Variants in KIAA1210 observed in about 807,000 individuals in gnomAD.
The protein encoded by KIAA1210 is acrosomal protein KIAA1210.
KIAA1210 carries 48 observed loss-of-function variants against 78.9 expected under a neutral mutation model. The ratio of observed to expected loss-of-function variants is 0.61; its 90% CI spans 0.48 to 0.77. The LOEUF (loss-of-function observed/expected upper bound fraction) is 0.77. Among genes scored for constraint, KIAA1210 ranks in the 30% least tolerant of loss-of-function variants. KIAA1210 has a pLI of 0.00. For synonymous variants in KIAA1210, 406 were observed against 404.5 expected (o/e 1.00, Z -0.04); for missense variants, 1,108 against 1,100.0 (o/e 1.01, Z -0.10).
At chrX:119,092,269 GC>G (rs1927391351) in intron 8 of KIAA1210, among the ~76,000 whole-genome samples, 1 of 111,087 alleles carries the variant, frequency 9.0e-6, no homozygotes, top group East Asian at 2.8e-4. Flanking sequence ...AGATGGAAGG[GC>G]CCCTTGTGCC....
intron 2 of KIAA1210, among the ~76,000 whole-genome samples, chrX:119,117,144 C>A (rs1225289602): frequency 1.8e-5 from 2 of 112,159 alleles, no homozygotes; most frequent in African/African-American, 6.5e-5. Flanking sequence ...CCTTAGAAAT[C>A]CAAGTCTAAG....
intron 2 of KIAA1210, among the ~76,000 whole-genome samples, chrX:119,143,633 T>C (rs960861900): frequency 6.2e-5 from 7 of 112,365 alleles, no homozygotes; most frequent in Middle Eastern, 4.6e-3. Context: ...ACTAAATGGC[T>C]TTCCTATACC....
upstream of KIAA1210, chrX:119,150,584 C>T: frequency 5.0e-6 from 6 of 1,199,675 alleles, no homozygotes; most frequent in Non-Finnish European, 6.7e-6. Context: ...CCTCATTTCC[C>T]CGCGTAGAGT....
rs1352056303 is a variant in KIAA1210, at chrX:119,122,383, T to C, written c.61+1199A>G. 3.6e-5 allele frequency among the ~76,000 whole-genome samples: 4 copies of C among 111,969 alleles called. No homozygotes were observed. In the East Asian group the frequency reaches 1.1e-3, roughly 31 times the overall value. The stretch of plus-strand genomic sequence containing the variant: ...CCACGCCCAGCTGGAAAGAAAACAT[T>C]TCTAACTAAACTTTCTTCCCTTTAA... On this transcript the variant is annotated intron_variant, in intron 2 of 11. Transcript: ENST00000691062.
At position 119,087,354 on chromosome X, in the gene KIAA1210, C is replaced by T. The variant is rs1167452371; in HGVS notation, c.3348G>A (p.Leu1116=). 8.3e-7 allele frequency: 1 copy of T among 1,209,723 alleles called. No homozygotes were observed. Among genetic ancestry groups the T allele is most frequent in the Non-Finnish European group, 1.1e-6 (1 of 895,072 alleles). The change falls in exon 9 of 12, where the codon CTG becomes CTA. Residue 1116 remains leucine, a synonymous_variant. Transcript: ENST00000691062. The part of the protein sequence containing the change: ...PGKCSSFKEQ[L]SPRQLSQALR... ...AGGCCTGGGAAAGCTGCCTGGGAGA[C>T]AGCTGCTCTTTAAAACTGCTGCACT... is the stretch of plus-strand genomic sequence containing the variant.
chrX:119,082,359 T>C (rs1407314937), intron 11 of KIAA1210, among the ~76,000 whole-genome samples: 1 of 112,165 alleles, frequency 8.9e-6, no homozygotes, highest in Non-Finnish European at 1.9e-5. Context: ...CCTGAATTCC[T>C]GGTCTAATTT....
In KIAA1210 at chrX:119,107,513, G is replaced by T. The variant is rs1400886672; in HGVS notation, c.492+824C>A. ...ACTGAAGATTGAATACTTCATGGAA[G>T]TGACTTTTCCTGCTGTAGTACAAGA... On this transcript the variant is annotated intron_variant, in intron 5 of 11. Coordinates refer to ENST00000691062, the MANE Select transcript of KIAA1210 (RefSeq NM_001394962.1). Among the ~76,000 whole-genome samples the T allele has an allele frequency of 3.6e-5, 4 of 111,787 alleles. No homozygotes were observed. The Admixed American group carries it at 3.8e-4, about 11-fold the overall frequency.
intron 3 of KIAA1210, among the ~76,000 whole-genome samples, chrX:119,112,889 A>G (rs1928125909): frequency 8.9e-6 from 1 of 112,150 alleles, no homozygotes; most frequent in Non-Finnish European, 1.9e-5. Flanking sequence ...CAAAACTTAT[A>G]CACAAATGTT....
rs150254385 is a variant in KIAA1210 at position 119,094,814 on chromosome X, A to T, written c.847-1039T>A. Among the ~76,000 whole-genome samples the T allele has an allele frequency of 7.7e-3, 852 of 111,283 alleles. 11 individuals are homozygous for T. Among genetic ancestry groups the T allele is most frequent in the African/African-American group, 0.027 (818 of 30,536 alleles). ...GATGCTCTGGCCTTCTCAGAGGGTA[A>T]TGCCCGGGCTTTTTCTCAACTAGGC... On this transcript the variant is annotated intron_variant, in intron 7 of 11. Coordinates refer to ENST00000691062, the MANE Select transcript of KIAA1210 (RefSeq NM_001394962.1).
In KIAA1210 at chrX:119,096,588, G is replaced by T. The variant is rs748835723; in HGVS notation, c.752C>A (p.Thr251Asn). The change falls in exon 7 of 12, where the codon ACC becomes AAC. Residue 251 changes from threonine (T) to asparagine (N), a missense_variant. Thr to Asn is a moderately conservative substitution (Grantham distance 65). Around this residue, in one of 5 missense-constraint regions of KIAA1210, gnomAD observed 672 missense variants for 607.1 expected, o/e 1.11. Transcript: ENST00000691062. The part of the protein sequence containing the change: ...SSTQLPIGFS[T>N]PATTQGCLDS... ...CAAACAGCCCTGGGTGGTGGCTGGG[G>T]TGCTGAAACCAATGGGCAGCTGGGT... 12 of 1,211,353 alleles carry T rather than the reference G, an allele frequency of 9.9e-6. No homozygotes were observed. The highest frequency in any genetic ancestry group is 1.2e-5 in the Non-Finnish European group (11 of 895,053).
chrX:119,079,394 C>A lies in KIAA1210; in HGVS notation c.*1935G>T, dbSNP rs748841950. On this transcript the variant is annotated 3_prime_UTR_variant, in exon 12 of 12. Transcript: ENST00000691062. ...GAGCTAGGTTTACTGCCCAGACATC[C>A]AAAGGGAGCTCTCCCTTAGTGTTTG... is the stretch of plus-strand genomic sequence containing the variant. The A allele has an allele frequency of 8.9e-6, 1 of 111,865 alleles. No homozygotes were observed. Among genetic ancestry groups the A allele is most frequent in the Admixed American group, 9.4e-5 (1 of 10,622 alleles). 9.2% of individuals were successfully genotyped at this position (111,865 alleles called of 1,213,427 possible).
intron 8 of KIAA1210, among the ~76,000 whole-genome samples, chrX:119,091,174 CG>C (rs769033188): frequency 1.9e-4 from 21 of 112,075 alleles, no homozygotes; most frequent in Non-Finnish European, 3.8e-4. Flanking sequence ...AAACACAACG[CG>C]ATATCATCTT....
At position 119,138,609 on chromosome X, in the gene KIAA1210, G is replaced by A. The variant is rs181244075; in HGVS notation, c.410+8864C>T. ...AGGCACTGAGAGTCAGCACAGATGA[G>A]TTACAGATGAGGACAGAGAGGGCAG... is the stretch of plus-strand genomic sequence containing the variant. On this transcript the variant is annotated intron_variant, in intron 2 of 13. Coordinates refer to the KIAA1210 transcript ENST00000402510. Among the ~76,000 whole-genome samples the A allele has an allele frequency of 5.4e-5, 6 of 111,800 alleles. No homozygotes were observed. In the East Asian group the frequency reaches 1.7e-3, roughly 31 times the overall value.
Position 119,089,137 on chromosome X carries a change from G to A in KIAA1210, c.1565C>T (p.Ser522Phe), listed in dbSNP as rs1388355764. ...AAEAQVFMNP[S>F]HIQLEDQEAF... Reference sequence around the variant, plus strand: ...TTCTTGATCTTCTAACTGGATATGAGAAGGATTCATAAACACCTGAGCCTC... The same window carrying A: ...TTCTTGATCTTCTAACTGGATATGAAAAGGATTCATAAACACCTGAGCCTC... The change falls in exon 9 of 12, where the codon TCT becomes TTT. Residue 522 changes from serine to phenylalanine, a missense_variant. Ser to Phe is a radical substitution (Grantham distance 155). Around this residue, in one of 5 missense-constraint regions of KIAA1210, gnomAD observed 672 missense variants for 607.1 expected, o/e 1.11. Coordinates refer to ENST00000691062, the MANE Select transcript of KIAA1210 (RefSeq NM_001394962.1). 2 of 1,211,612 alleles carry A rather than the reference G, an allele frequency of 1.7e-6. No homozygotes were observed. The highest frequency in any genetic ancestry group is 1.7e-5 in the African/African-American group (1 of 57,863).
At position 119,087,178 on chromosome X, in the gene KIAA1210, G is replaced by A. The variant is rs1211124224; in HGVS notation, c.3524C>T (p.Pro1175Leu). The change falls in exon 9 of 12, where the codon CCA becomes CTA. Residue 1175 changes from proline (P) to leucine (L), a missense_variant. Around this residue, in one of 5 missense-constraint regions of KIAA1210, gnomAD observed 245 missense variants for 278.8 expected, o/e 0.88. Coordinates refer to ENST00000691062, the MANE Select transcript of KIAA1210 (RefSeq NM_001394962.1). ...GCTCTGCTTTACAGGTACATTCACTGGGCCCTTTGATGACATCTGTGGCTG... is the reference window on the plus strand; with the variant it reads ...GCTCTGCTTTACAGGTACATTCACTAGGCCCTTTGATGACATCTGTGGCTG... ...KFQPQMSSKGPVNVPVKQSSG... is the reference protein window; with the variant it reads ...KFQPQMSSKGLVNVPVKQSSG... 4 of 1,209,957 alleles carry A rather than the reference G, an allele frequency of 3.3e-6. No individual in the cohort carries two copies. The highest frequency in any genetic ancestry group is 4.5e-6 in the Non-Finnish European group (4 of 895,150).
intron 3 of KIAA1210, among the ~76,000 whole-genome samples, chrX:119,112,977 G>A (rs1387816782): frequency 1.8e-5 from 2 of 112,071 alleles, no homozygotes; most frequent in African/African-American, 6.5e-5. Flanking sequence ...ATAAAATGTG[G>A]TATAGTCATG....
chrX:119,090,927 C>T (rs1409423210), intron 8 of KIAA1210, among the ~76,000 whole-genome samples: 1 of 111,526 alleles, frequency 9.0e-6, no homozygotes, highest in African/African-American at 3.3e-5. Flanking sequence ...CACATCACTA[C>T]TACAGTCAGC....
At chrX:119,092,739 T>A (rs369691672) in intron 8 of KIAA1210, among the ~76,000 whole-genome samples, 2 of 103,078 alleles carry the variant, frequency 1.9e-5, no homozygotes, top group East Asian at 6.0e-4. Context: ...CCAGCCTGGG[T>A]GACAGAGTGA....
intron 5 of KIAA1210, among the ~76,000 whole-genome samples, chrX:119,106,596 C>T (rs930334330): frequency 8.9e-6 from 1 of 112,129 alleles, no homozygotes; most frequent in Non-Finnish European, 1.9e-5. Flanking sequence ...CAGTCAAGCC[C>T]GTGAGCAGTA....
Sources: allele counts gnomAD v4.1 joint callset (sites outside exome capture counted in the v4.1 genomes callset), GRCh38; gene constraint gnomAD v4.1.1; regional missense constraint gnomAD v4.1.1; transcripts MANE v1.5; gene names NCBI Gene and HGNC (gene_info 2026-07-23, HGNC 2026-07-21).